ALDH1B1: variants seen among roughly 807,000 people sequenced by gnomAD.
ALDH1B1 encodes the protein aldehyde dehydrogenase family 1 member B1, mitochondrial.
A neutral mutation model predicts 26.2 loss-of-function variants in ALDH1B1; 19 were observed. The ratio of observed to expected loss-of-function variants is 0.72; its 90% CI spans 0.51 to 1.06. The LOEUF is 1.06. Among genes scored for constraint, ALDH1B1 ranks in the 50% least tolerant of loss-of-function variants. ALDH1B1 has a pLI of 0.00. For synonymous variants in ALDH1B1, 249 were observed against 286.0 expected (o/e 0.87, Z 1.31); for missense variants, 671 against 683.1 (o/e 0.98, Z 0.20).
intron 1 of ALDH1B1, among the ~76,000 whole-genome samples, chr9:38,394,277 T>TG (rs1821238254): frequency 6.6e-6 from 1 of 152,154 alleles, no homozygotes; most frequent in Non-Finnish European, 1.5e-5. Flanking sequence ...GAAACTTTCT[T>TG]GGTCAGCATT....
In ALDH1B1 at chr9:38,397,356, A is replaced by G; in HGVS notation, c.*54A>G. Reference sequence around the variant, plus strand: ...GTCCAGCAATTCCACAACCACCTTGACGAATGCTTGCCAAGCTGTTTTAAA... The same window carrying G: ...GTCCAGCAATTCCACAACCACCTTGGCGAATGCTTGCCAAGCTGTTTTAAA... On this transcript the variant is annotated 3_prime_UTR_variant, in exon 2 of 2. Transcript: ENST00000377698. The G allele has an allele frequency of 6.5e-7, 1 of 1,536,414 alleles. No individual in the cohort carries two copies. Among genetic ancestry groups the G allele is most frequent in the Non-Finnish European group, 8.8e-7 (1 of 1,140,716 alleles).
Position 38,396,529 on chromosome 9 carries a change from A to G in ALDH1B1, c.781A>G (p.Thr261Ala). 6.2e-7 allele frequency: 1 copy of G among 1,613,852 alleles called. No homozygotes were observed. The highest frequency in any genetic ancestry group is 1.1e-5 in the South Asian group (1 of 91,088). ...CGTGGATGTTGACAAAGTTGCCTTC[A>G]CCGGTTCCACCGAGGTGGGCCACCT... is the stretch of plus-strand genomic sequence containing the variant. ...QHVDVDKVAF[T>A]GSTEVGHLIQ... is the part of the protein sequence containing the mutation. The change falls in exon 2 of 2, where the codon ACC becomes GCC. Residue 261 changes from threonine (T) to alanine (A), a missense_variant. Thr to Ala is a moderately conservative substitution (Grantham distance 58, BLOSUM62 0). Coordinates refer to ENST00000377698, the MANE Select transcript of ALDH1B1 (RefSeq NM_000692.5).
Position 38,396,647 on chromosome 9 carries a change from T to C in ALDH1B1, c.899T>C (p.Met300Thr). Reference protein sequence around the residue: ...SPSIVLADADMEHAVEQCHEA... With the variant: ...SPSIVLADADTEHAVEQCHEA... ...AGCATCGTGCTGGCCGATGCTGACA[T>C]GGAGCATGCCGTGGAGCAGTGCCAC... is the stretch of plus-strand genomic sequence containing the variant. Residue 300 changes from methionine (M) to threonine (T), a missense_variant, in exon 2 of 2, where the codon ATG becomes ACG. Met to Thr is a moderately conservative substitution (Grantham distance 81). Coordinates refer to ENST00000377698, the MANE Select transcript of ALDH1B1 (RefSeq NM_000692.5). 8.1e-6 allele frequency: 13 copies of C among 1,614,142 alleles called. No individual in the cohort carries two copies. Among genetic ancestry groups the C allele is most frequent in the Non-Finnish European group, 1.1e-5 (13 of 1,180,010 alleles).
Position 38,398,343 on chromosome 9 carries a change from C to T in ALDH1B1, c.*1041C>T, listed in dbSNP as rs1821330403. The T allele has an allele frequency of 7.3e-6, 1 of 137,734 alleles. No individual in the cohort carries two copies. The highest frequency in any genetic ancestry group is 2.4e-4 in the South Asian group (1 of 4,162). The allele number at this position is 137,734 out of a possible 1,614,324, so 8.5% of individuals were successfully genotyped here. On this transcript the variant is annotated 3_prime_UTR_variant, in exon 2 of 2. Coordinates refer to ENST00000377698, the MANE Select transcript of ALDH1B1 (RefSeq NM_000692.5). ...TTTTTTTTTTTTTTTGACACGGAGTCTCACTCTGTCGCCCAGGCTGGAGTG... is the reference window on the plus strand; with the variant it reads ...TTTTTTTTTTTTTTTGACACGGAGTTTCACTCTGTCGCCCAGGCTGGAGTG...
At chr9:38,394,908 T>G (rs956724174) in intron 1 of ALDH1B1, among the ~76,000 whole-genome samples, 2 of 152,208 alleles carry the variant, frequency 1.3e-5, no homozygotes, top group African/African-American at 4.8e-5. Flanking sequence ...GAGTTGTAGC[T>G]TTTCTTCTCA....
At chr9:38,394,413 C>T (rs1821240596) in intron 1 of ALDH1B1, 1 of 181,784 alleles carries the variant, frequency 5.5e-6, no homozygotes. Flanking sequence ...CTCAGCCTCC[C>T]AAGCAGCTAG....
chr9:38,397,239 T>C lies in ALDH1B1; in HGVS notation c.1491T>C (p.Asp497=), dbSNP rs766677750. ...GAAACGGGAGGGAGCTGGGTGAGGA[T>C]GGGCTTAAGGCCTACACAGAGGTAA... ...ESGNGRELGE[D]GLKAYTEVKT... is the part of the protein sequence containing the mutation. The change falls in exon 2 of 2, where the codon GAT becomes GAC. Residue 497 remains aspartate, a synonymous_variant. Transcript: ENST00000377698. 2 of 1,614,164 alleles carry C rather than the reference T, an allele frequency of 1.2e-6. No individual in the cohort carries two copies. Among genetic ancestry groups the C allele is most frequent in the Non-Finnish European group, 1.7e-6 (2 of 1,180,014 alleles).
In ALDH1B1 at chr9:38,396,361, A is replaced by T. The variant is rs1821285362; in HGVS notation, c.613A>T (p.Thr205Ser). ...TGCCCCGGCACTCGCCACAGGCAAC[A>T]CTGTGGTTATGAAGGTGGCAGAGCA... Reference protein sequence around the residue: ...KLAPALATGNTVVMKVAEQTP... With the variant: ...KLAPALATGNSVVMKVAEQTP... Residue 205 changes from threonine to serine, a missense_variant, in exon 2 of 2, where the codon ACT becomes TCT. Coordinates refer to ENST00000377698, the MANE Select transcript of ALDH1B1 (RefSeq NM_000692.5). The T allele has an allele frequency of 2.5e-6, 4 of 1,614,086 alleles. No homozygotes were observed. In the Admixed American group the frequency reaches 5.0e-5, roughly 20 times the overall value.
rs1166182638 is a variant in ALDH1B1 at position 38,395,939 on chromosome 9, T to C, written c.191T>C (p.Val64Ala). The part of the protein sequence containing the change: ...FPTVNPTTGE[V>A]IGHVAEGDRA... ...ACGGTCAACCCTACCACCGGGGAGG[T>C]CATTGGGCACGTGGCTGAAGGTGAC... Residue 64 changes from valine to alanine, a missense_variant, in exon 2 of 2, where the codon GTC becomes GCC. Coordinates refer to ENST00000377698, the MANE Select transcript of ALDH1B1 (RefSeq NM_000692.5). The C allele has an allele frequency of 6.2e-7, 1 of 1,613,696 alleles. No individual in the cohort carries two copies. Among genetic ancestry groups the C allele is most frequent in the East Asian group, 2.2e-5 (1 of 44,854 alleles).
Position 38,396,274 on chromosome 9 carries a change from G to A in ALDH1B1, c.526G>A (p.Val176Ile), listed in dbSNP as rs113083991. The A allele has an allele frequency of 3.8e-3, 6,184 of 1,614,166 alleles. 270 individuals carry two copies. The Admixed American group carries it at 0.078, about 20-fold the overall frequency. Reference sequence around the variant, plus strand: ...TTTCTGCTTCACCCGGCATGAGCCCGTTGGTGTCTGTGGCCAGATCATCCC... The same window carrying A: ...TTTCTGCTTCACCCGGCATGAGCCCATTGGTGTCTGTGGCCAGATCATCCC... Reference protein sequence around the residue: ...QHFCFTRHEPVGVCGQIIPWN... With the variant: ...QHFCFTRHEPIGVCGQIIPWN... The change falls in exon 2 of 2, where the codon GTT (valine) becomes ATT (isoleucine). Residue 176 changes from valine (V) to isoleucine (I), a missense_variant. By Grantham distance (29) the Val-to-Ile change is conservative. Coordinates refer to ENST00000377698, the MANE Select transcript of ALDH1B1 (RefSeq NM_000692.5).
chr9:38,394,880 C>A (rs1004320698), intron 1 of ALDH1B1, among the ~76,000 whole-genome samples: 1 of 152,130 alleles, frequency 6.6e-6, no homozygotes, highest in African/African-American at 2.4e-5. Flanking sequence ...GTTGTTTTAA[C>A]GAAGTCTACA....
intron 1 of ALDH1B1, among the ~76,000 whole-genome samples, 172 bp downstream of exon 1, chr9:38,392,979 G>T (rs1821218718): frequency 6.6e-6 from 1 of 152,164 alleles, no homozygotes; most frequent in African/African-American, 2.4e-5. Flanking sequence ...TCTGGGTGAC[G>T]CTACAGGAGC....
In ALDH1B1 at chr9:38,396,702, C is replaced by G. The variant is rs373133752; in HGVS notation, c.954C>G (p.Cys318Trp). 11 of 1,614,088 alleles carry G rather than the reference C, an allele frequency of 6.8e-6. No individual in the cohort carries two copies. The highest frequency in any genetic ancestry group is 9.3e-6 in the Non-Finnish European group (11 of 1,180,050). Residue 318 changes from cysteine (C) to tryptophan (W), a missense_variant, in exon 2 of 2, where the codon TGC becomes TGG. Physicochemically the swap from Cys to Trp is radical, Grantham distance 215 (BLOSUM62 -2). Coordinates refer to ENST00000377698, the MANE Select transcript of ALDH1B1 (RefSeq NM_000692.5). The part of the protein sequence containing the change: ...HEALFFNMGQ[C>W]CCAGSRTFVE... Reference sequence around the variant, plus strand: ...CCCTGTTCTTCAACATGGGCCAGTGCTGCTGTGCTGGCTCCCGGACCTTCG... The same window carrying G: ...CCCTGTTCTTCAACATGGGCCAGTGGTGCTGTGCTGGCTCCCGGACCTTCG...
In ALDH1B1 at chr9:38,397,592, A is replaced by G. The variant is rs1442742627; in HGVS notation, c.*290A>G. 2 of 348,652 alleles carry G rather than the reference A, an allele frequency of 5.7e-6. No individual in the cohort carries two copies. The highest frequency in any genetic ancestry group is 1.1e-5 in the Non-Finnish European group (2 of 183,870). 21.6% of individuals were successfully genotyped at this position (348,652 alleles called of 1,614,324 possible). On this transcript the variant is annotated 3_prime_UTR_variant, in exon 2 of 2. Coordinates refer to ENST00000377698, the MANE Select transcript of ALDH1B1 (RefSeq NM_000692.5). ...CTGGAGGACAGATTAAAAACCAGTG[A>G]TCTGTAATTTGTAGCTCTTCCTGCT...
intron 1 of ALDH1B1, among the ~76,000 whole-genome samples, chr9:38,393,269 C>T (rs1409319327): frequency 6.6e-6 from 1 of 152,196 alleles, no homozygotes; most frequent in Non-Finnish European, 1.5e-5. Flanking sequence ...GGGTGAGGCT[C>T]CTATACTTTC....
intron 1 of ALDH1B1, among the ~76,000 whole-genome samples, chr9:38,394,794 A>C (rs1412088463): frequency 1.3e-5 from 2 of 152,228 alleles, no homozygotes; most frequent in Admixed American, 6.5e-5. Flanking sequence ...AACTGCTTCA[A>C]CTAATCTGGG....
At position 38,396,914 on chromosome 9, in the gene ALDH1B1, A is replaced by G; in HGVS notation, c.1166A>G (p.Glu389Gly). ...GGCGCAAAACTCCTCTGTGGCGGAG[A>G]GCGTTTCGGGGAGCGTGGTTTCTTC... ...KEGAKLLCGGERFGERGFFIK... is the reference protein window; with the variant it reads ...KEGAKLLCGGGRFGERGFFIK... The change falls in exon 2 of 2, where the codon GAG becomes GGG. Residue 389 changes from glutamate to glycine, a missense_variant. Coordinates refer to ENST00000377698, the MANE Select transcript of ALDH1B1 (RefSeq NM_000692.5). The G allele has an allele frequency of 1.2e-6, 2 of 1,614,086 alleles. No individual in the cohort carries two copies. Among genetic ancestry groups the G allele is most frequent in the Non-Finnish European group, 1.7e-6 (2 of 1,180,026 alleles).
chr9:38,395,682 G>T, intron 1 of ALDH1B1, 58 bp from the exon 2 acceptor site: 2 of 1,515,242 alleles, frequency 1.3e-6, no homozygotes, highest in Non-Finnish European at 1.8e-6. Flanking sequence ...TGGGCCCTTG[G>T]GTACCGCCAC....
chr9:38,395,481 A>G (rs1415009681), intron 1 of ALDH1B1, among the ~76,000 whole-genome samples: 1 of 152,096 alleles, frequency 6.6e-6, no homozygotes, highest in Non-Finnish European at 1.5e-5. Flanking sequence ...CAATTTTTTA[A>G]AGGGTGGTCA....
Sources: allele counts gnomAD v4.1 joint callset (sites outside exome capture counted in the v4.1 genomes callset), GRCh38; gene constraint gnomAD v4.1.1; transcripts MANE v1.5; gene names NCBI Gene and HGNC (gene_info 2026-07-23, HGNC 2026-07-21).